FBXL7: variants seen among roughly 807,000 people sequenced by gnomAD.
FBXL7 encodes the protein F-box and leucine rich repeat protein 7.
FBXL7 carries 12 observed loss-of-function variants against 38.3 expected under a neutral mutation model. That is an observed-to-expected ratio of 0.31 (90% CI 0.20 to 0.51). The LOEUF (loss-of-function observed/expected upper bound fraction) is 0.51. FBXL7 is among the 20% of genes least tolerant of loss of function. FBXL7 has a pLI of 0.98. For synonymous variants in FBXL7, 297 were observed against 300.9 expected (o/e 0.99, Z 0.13); for missense variants, 567 against 676.4 (o/e 0.84, Z 1.79).
chr5:15,502,207 A>G (rs1268794146), intron 1 of FBXL7, among the ~76,000 whole-genome samples: 1 of 152,176 alleles, frequency 6.6e-6, no homozygotes, highest in East Asian at 1.9e-4. Flanking sequence ...CCCAAGGGGT[A>G]CATAGAATCA....
intron 1 of FBXL7, among the ~76,000 whole-genome samples, chr5:15,610,921 G>T (rs1561050628): frequency 6.6e-6 from 1 of 152,056 alleles, no homozygotes; most frequent in Non-Finnish European, 1.5e-5. Flanking sequence ...AATAGAGAGG[G>T]TCTATTAATT....
chr5:15,623,847 G>A (rs1009731691), intron 2 of FBXL7, among the ~76,000 whole-genome samples: 1 of 152,102 alleles, frequency 6.6e-6, no homozygotes, highest in African/African-American at 2.4e-5. Flanking sequence ...AGGCATAAAT[G>A]TTTTCATTTT....
At chr5:15,543,083 AT>A (rs1737801301) in intron 1 of FBXL7, among the ~76,000 whole-genome samples, 1 of 152,138 alleles carries the variant, frequency 6.6e-6, no homozygotes, top group South Asian at 2.1e-4. Flanking sequence ...GAAGAAAGTA[AT>A]TTTCTTCCAC....
chr5:15,704,121 G>A (rs1743609973), intron 2 of FBXL7, among the ~76,000 whole-genome samples: 1 of 152,164 alleles, frequency 6.6e-6, no homozygotes, highest in African/African-American at 2.4e-5. Context: ...GGAGAGTGCT[G>A]AGAAGGAGGA....
chr5:15,598,578 G>A (rs1739694485), intron 1 of FBXL7, among the ~76,000 whole-genome samples: 1 of 152,098 alleles, frequency 6.6e-6, no homozygotes, highest in South Asian at 2.1e-4. Context: ...ACTGGTAATG[G>A]CTCAGTGATA....
intron 2 of FBXL7, among the ~76,000 whole-genome samples, chr5:15,819,217 C>T (rs550280693): frequency 1.4e-4 from 22 of 152,186 alleles, no homozygotes; most frequent in African/African-American, 5.1e-4. Context: ...CAGAAATGGC[C>T]TGGGTGGGAG....
intron 1 of FBXL7, among the ~76,000 whole-genome samples, chr5:15,600,845 A>G (rs1477711935): frequency 6.6e-6 from 1 of 152,166 alleles, no homozygotes; most frequent in Non-Finnish European, 1.5e-5. Context: ...TCAAAAATCA[A>G]TGAGTGACAG....
At chr5:15,924,701 C>T (rs1346632807) in intron 2 of FBXL7, among the ~76,000 whole-genome samples, 2 of 149,632 alleles carry the variant, frequency 1.3e-5, no homozygotes, top group Non-Finnish European at 3.0e-5. Context: ...ACTGCAACCT[C>T]CAACCTCTGC....
intron 2 of FBXL7, among the ~76,000 whole-genome samples, chr5:15,716,696 GA>G (rs1219600395): frequency 6.6e-6 from 1 of 152,150 alleles, no homozygotes; most frequent in Non-Finnish European, 1.5e-5. Context: ...CTTATATTCA[GA>G]AGCTGCATTA....
At chr5:15,527,507 T>C (rs1349869494) in intron 1 of FBXL7, among the ~76,000 whole-genome samples, 2 of 152,234 alleles carry the variant, frequency 1.3e-5, no homozygotes, top group African/African-American at 4.8e-5. Context: ...TAAAGACTTG[T>C]GGCTTATCTT....
intron 2 of FBXL7, among the ~76,000 whole-genome samples, chr5:15,691,478 C>G (rs533068592): frequency 6.6e-6 from 1 of 152,334 alleles, no homozygotes; most frequent in East Asian, 1.9e-4. Context: ...CCCTCCCTTT[C>G]CTGTTGTAGG....
intron 2 of FBXL7, among the ~76,000 whole-genome samples, chr5:15,868,478 C>T (rs116007768): frequency 1.8e-3 from 281 of 152,320 alleles, no homozygotes; most frequent in African/African-American, 6.3e-3. Flanking sequence ...GACTTGGACT[C>T]AACAGAACTG....
At chr5:15,806,162 T>G (rs995369378) in intron 2 of FBXL7, among the ~76,000 whole-genome samples, 2 of 152,174 alleles carry the variant, frequency 1.3e-5, no homozygotes, top group Non-Finnish European at 2.9e-5. Flanking sequence ...ATTTAAAACT[T>G]AACTCTTTTG....
rs1739300542 is a variant in FBXL7, at chr5:15,857,315, AT to A, written c.128-70571del. ...CTTCAGAGTTCCAGGCACTGTTCTA[AT>A]TTTAAACTCATTTAATTCTCATATC... On this transcript the variant is annotated intron_variant, in intron 2 of 3. Transcript: ENST00000504595. Among the ~76,000 whole-genome samples the A allele has an allele frequency of 2.6e-5, 4 of 152,280 alleles. No individual in the cohort carries two copies. The South Asian group carries it at 6.2e-4, about 24-fold the overall frequency.
At chr5:15,827,966 C>T (rs952405005) in intron 2 of FBXL7, among the ~76,000 whole-genome samples, 3 of 152,182 alleles carry the variant, frequency 2.0e-5, no homozygotes, top group African/African-American at 7.2e-5. Context: ...AGCATTTGTC[C>T]TTATGTTCAA....
At chr5:15,895,859 T>C (rs2126398544) in intron 2 of FBXL7, among the ~76,000 whole-genome samples, 1 of 151,824 alleles carries the variant, frequency 6.6e-6, no homozygotes, top group Admixed American at 6.6e-5. Flanking sequence ...TTAGCCAGGA[T>C]GGTCTCAATC....
At chr5:15,845,787 C>T (rs1053361060) in intron 2 of FBXL7, among the ~76,000 whole-genome samples, 70 of 151,992 alleles carry the variant, frequency 4.6e-4, no homozygotes, top group Non-Finnish European at 9.4e-4. Flanking sequence ...CTGGCTAACA[C>T]GGTGAAACCC....
At chr5:15,615,891 T>A in intron 1 of FBXL7, 92 bp from the exon 2 acceptor site, 1 of 742,046 alleles carries the variant, frequency 1.3e-6, no homozygotes, top group Non-Finnish European at 2.3e-6. Context: ...TCTTGGAAAC[T>A]GGTGATATGG....
intron 1 of FBXL7, among the ~76,000 whole-genome samples, chr5:15,508,474 A>G (rs561457146): frequency 6.6e-6 from 1 of 152,346 alleles, no homozygotes; most frequent in African/African-American, 2.4e-5. Flanking sequence ...CTGTCTAATG[A>G]TTAGAGCTGC....
Sources: gnomAD v4.1 joint callset for allele counts (sites outside exome capture counted in the v4.1 genomes callset) on GRCh38, gnomAD v4.1.1 for gene constraint, MANE v1.5 for transcripts, NCBI Gene and HGNC (gene_info 2026-07-23, HGNC 2026-07-21) for gene names.